TSPAN7: variants seen among roughly 807,000 people sequenced by gnomAD.
TSPAN7 encodes tetraspanin-7.
Under a neutral mutation model 17.6 loss-of-function variants are expected in TSPAN7, and 1 was observed. That is an observed-to-expected ratio of 0.06 (90% CI 0.02 to 0.27). The LOEUF (loss-of-function observed/expected upper bound fraction) is 0.27, where lower values mean the gene tolerates loss of function less well. Among genes scored for constraint, TSPAN7 ranks in the 10% least tolerant of loss-of-function variants. The pLI is 1.00. For missense variants in TSPAN7, 112 were observed against 201.7 expected (o/e 0.56, Z 2.69); for synonymous variants, 78 against 79.0 (o/e 0.99, Z 0.07).
intron 6 of TSPAN7, among the ~76,000 whole-genome samples, chrX:38,681,910 A>G (rs753466566): frequency 2.4e-4 from 27 of 112,153 alleles, no homozygotes; most frequent in African/African-American, 8.4e-4. Flanking sequence ...AGTAAACCAC[A>G]CACACTGGAG....
chrX:38,671,263 T>C, intron 2 of TSPAN7, 113 bp from the exon 3 acceptor site: 1 of 713,181 alleles, frequency 1.4e-6, no homozygotes, highest in South Asian at 2.1e-5. Flanking sequence ...AAACTTTGTC[T>C]AGGGAGTGTG....
intron 5 of TSPAN7, among the ~76,000 whole-genome samples, chrX:38,680,859 T>C (rs1175896625): frequency 1.8e-5 from 2 of 111,732 alleles, no homozygotes; most frequent in Non-Finnish European, 3.8e-5. Context: ...CTTACAGATT[T>C]CTTGCTAAAC....
chrX:38,572,973 G>A (rs371527519), intron 1 of TSPAN7, among the ~76,000 whole-genome samples: 16 of 111,394 alleles, frequency 1.4e-4, no homozygotes, highest in African/African-American at 5.2e-4. Context: ...GTGACCTTAG[G>A]CAAATCACTT....
intron 1 of TSPAN7, among the ~76,000 whole-genome samples, chrX:38,568,919 T>C (rs892798881): frequency 7.2e-5 from 8 of 111,453 alleles, no homozygotes; most frequent in African/African-American, 2.6e-4. Flanking sequence ...AAGCTTCTTT[T>C]TGAGGTCTGA....
intron 1 of TSPAN7, among the ~76,000 whole-genome samples, chrX:38,596,558 G>A (rs969281716): frequency 9.0e-6 from 1 of 110,591 alleles, no homozygotes; most frequent in Non-Finnish European, 1.9e-5. Flanking sequence ...TCTATATTGA[G>A]GCTGATAAAT....
intron 1 of TSPAN7, among the ~76,000 whole-genome samples, chrX:38,596,534 C>T (rs2147408580): frequency 9.0e-6 from 1 of 111,155 alleles, no homozygotes; most frequent in Admixed American, 9.6e-5. Flanking sequence ...TAATTATCAT[C>T]TATTGGACGT....
At chrX:38,627,704 TA>T (rs766639790) in intron 1 of TSPAN7, among the ~76,000 whole-genome samples, 6 of 112,268 alleles carry the variant, frequency 5.3e-5, no homozygotes, top group South Asian at 3.7e-4. Context: ...CCCTATGGTT[TA>T]AAAAAAAGTC....
At chrX:38,606,738 G>T (rs2069386187) in intron 1 of TSPAN7, among the ~76,000 whole-genome samples, 1 of 111,967 alleles carries the variant, frequency 8.9e-6, no homozygotes, top group African/African-American at 3.2e-5. Flanking sequence ...ATTGGAGCTT[G>T]AACTTTTTTC....
At chrX:38,608,974 A>G (rs1483132191) in intron 1 of TSPAN7, among the ~76,000 whole-genome samples, 1 of 111,936 alleles carries the variant, frequency 8.9e-6, no homozygotes, top group Non-Finnish European at 1.9e-5. Context: ...CTATTAAGCA[A>G]TGTTATGATG....
chrX:38,686,950 C>A (rs1157872620), intron 6 of TSPAN7, among the ~76,000 whole-genome samples: 1 of 110,577 alleles, frequency 9.0e-6, no homozygotes, highest in East Asian at 2.9e-4. Context: ...GATGAGCCCA[C>A]TTAGGCCTAA....
chrX:38,597,849 T>C (rs1445839539), intron 1 of TSPAN7, among the ~76,000 whole-genome samples: 2 of 111,900 alleles, frequency 1.8e-5, no homozygotes, highest in African/African-American at 6.5e-5. Flanking sequence ...TTTGGGGTTG[T>C]ATTCTGTGAG....
At chrX:38,610,035 G>A (rs1430541737) in intron 1 of TSPAN7, among the ~76,000 whole-genome samples, 2 of 111,433 alleles carry the variant, frequency 1.8e-5, no homozygotes, top group South Asian at 3.8e-4. Context: ...AAAAATGTAC[G>A]ATTGGCATTC....
At chrX:38,665,772 C>T (rs1344719015) in intron 1 of TSPAN7, among the ~76,000 whole-genome samples, 1 of 111,761 alleles carries the variant, frequency 8.9e-6, no homozygotes, top group African/African-American at 3.3e-5. Flanking sequence ...TGGGGTTATA[C>T]CCAGCTTGGT....
At chrX:38,574,432 A>G (rs2147396667) in intron 1 of TSPAN7, among the ~76,000 whole-genome samples, 1 of 111,990 alleles carries the variant, frequency 8.9e-6, no homozygotes, top group South Asian at 3.7e-4. Context: ...ATTTTAGCAT[A>G]AGCCTTAGGA....
intron 1 of TSPAN7, among the ~76,000 whole-genome samples, chrX:38,652,802 G>A (rs2069682416): frequency 8.9e-6 from 1 of 112,126 alleles, no homozygotes; most frequent in Admixed American, 9.4e-5. Context: ...CCTGGCTATT[G>A]ACAATTAGAA....
chrX:38,649,600 T>C (rs1331000017), intron 1 of TSPAN7, among the ~76,000 whole-genome samples: 2 of 111,144 alleles, frequency 1.8e-5, no homozygotes, highest in African/African-American at 6.6e-5. Context: ...GGGATTCTGT[T>C]CTCTCGCTGG....
intron 6 of TSPAN7, among the ~76,000 whole-genome samples, chrX:38,683,244 T>G (rs1301710070): frequency 8.9e-6 from 1 of 112,325 alleles, no homozygotes; most frequent in Non-Finnish European, 1.9e-5. Context: ...AAATGGATCC[T>G]TCTCCAAGTA....
chrX:38,622,964 G>A (rs1200317348), intron 1 of TSPAN7: 3 of 330,145 alleles, frequency 9.1e-6, no homozygotes, highest in African/African-American at 7.9e-5. Flanking sequence ...AAGTAATATG[G>A]TATGGAAGAT....
intron 1 of TSPAN7, among the ~76,000 whole-genome samples, chrX:38,662,404 G>A (rs1405518241): frequency 1.8e-5 from 2 of 111,433 alleles, no homozygotes; most frequent in African/African-American, 3.3e-5. Flanking sequence ...ACAATTGGTT[G>A]CTTATTCATT....
Sources: gnomAD v4.1 joint callset for allele counts (sites outside exome capture counted in the v4.1 genomes callset) on GRCh38, gnomAD v4.1.1 for gene constraint, MANE v1.5 for transcripts, NCBI Gene and HGNC (gene_info 2026-07-23, HGNC 2026-07-21) for gene names.